PDGFD: variants seen among roughly 807,000 people sequenced by gnomAD.
PDGFD encodes the protein platelet derived growth factor D.
PDGFD carries 30 observed loss-of-function variants against 44.7 expected under a neutral mutation model. That is an observed-to-expected ratio of 0.67 (90% CI 0.50 to 0.91). The LOEUF (loss-of-function observed/expected upper bound fraction) is 0.91. Among genes scored for constraint, PDGFD ranks in the 40% least tolerant of loss-of-function variants. PDGFD has a pLI of 0.00. For synonymous variants in PDGFD, 173 were observed against 168.4 expected (o/e 1.03, Z -0.21); for missense variants, 445 against 457.8 (o/e 0.97, Z 0.25).
intron 3 of PDGFD, among the ~76,000 whole-genome samples, chr11:103,964,343 T>G (rs1364406877): frequency 6.6e-6 from 1 of 152,132 alleles, no homozygotes; most frequent in Non-Finnish European, 1.5e-5. Flanking sequence ...AGACCTTTGT[T>G]TCTATAAGTC....
chr11:104,102,877 A>G (rs559259231), intron 1 of PDGFD, among the ~76,000 whole-genome samples: 2 of 152,182 alleles, frequency 1.3e-5, no homozygotes, highest in South Asian at 2.1e-4. Flanking sequence ...GAAATGAACA[A>G]TGAGAACACA....
chr11:104,110,952 T>C (rs1201122162), intron 1 of PDGFD, among the ~76,000 whole-genome samples: 6 of 152,116 alleles, frequency 3.9e-5, no homozygotes, highest in Non-Finnish European at 8.8e-5. Context: ...ACCAAAAATG[T>C]TTTTTTGTCC....
chr11:104,154,491 G>A (rs1024639588), intron 1 of PDGFD, among the ~76,000 whole-genome samples: 1 of 152,138 alleles, frequency 6.6e-6, no homozygotes, highest in Non-Finnish European at 1.5e-5. Flanking sequence ...GAGCGTTTCC[G>A]TGGAGCAGTG....
Position 103,907,296 on chromosome 11 carries a change from A to T in PDGFD, c.*2398T>A, listed in dbSNP as rs1436963664. ...GCTGCATGTTACCGATATGACAAAA[A>T]ACATAAAAAACTCTACTTATGAAAG... On this transcript the variant is annotated 3_prime_UTR_variant, in exon 7 of 7. Coordinates refer to ENST00000393158, the MANE Select transcript of PDGFD (RefSeq NM_025208.5). 6.6e-6 allele frequency: 1 copy of T among 152,242 alleles called. No homozygotes were observed. The highest frequency in any genetic ancestry group is 2.4e-5 in the African/African-American group (1 of 41,466). 9.4% of individuals were successfully genotyped at this position (152,242 alleles called of 1,614,324 possible).
chr11:104,083,303 A>T (rs1416746503), intron 1 of PDGFD, among the ~76,000 whole-genome samples: 1 of 152,190 alleles, frequency 6.6e-6, no homozygotes, highest in Non-Finnish European at 1.5e-5. Context: ...CAAAGGTGGG[A>T]AAAAGCTAAA....
intron 3 of PDGFD, among the ~76,000 whole-genome samples, chr11:103,989,413 C>T (rs1859418590): frequency 6.6e-6 from 1 of 152,200 alleles, no homozygotes; most frequent in African/African-American, 2.4e-5. Context: ...CTTTCCAGCC[C>T]AGGACAGCAG....
chr11:104,019,541 G>A (rs1331780634), intron 1 of PDGFD, among the ~76,000 whole-genome samples: 1 of 152,154 alleles, frequency 6.6e-6, no homozygotes, highest in Non-Finnish European at 1.5e-5. Flanking sequence ...TACAATGGCA[G>A]ACACGATACG....
chr11:104,085,895 G>C (rs936777107), intron 1 of PDGFD, among the ~76,000 whole-genome samples: 7 of 151,978 alleles, frequency 4.6e-5, no homozygotes, highest in Non-Finnish European at 8.8e-5. Flanking sequence ...TAGATCTATT[G>C]GACCATGATA....
intron 3 of PDGFD, among the ~76,000 whole-genome samples, chr11:103,948,277 T>C (rs964464346): frequency 9.2e-5 from 14 of 152,186 alleles, no homozygotes; most frequent in African/African-American, 3.1e-4. Flanking sequence ...TTCCTGACTA[T>C]ATCAACAAAT....
At chr11:103,972,586 T>C (rs1275291775) in intron 3 of PDGFD, among the ~76,000 whole-genome samples, 1 of 152,070 alleles carries the variant, frequency 6.6e-6, no homozygotes, top group Non-Finnish European at 1.5e-5. Flanking sequence ...TTTGTGAGCT[T>C]CAACAAGAAA....
At position 103,978,850 on chromosome 11, in the gene PDGFD, A is replaced by G. The variant is rs539661549; in HGVS notation, c.510+17215T>C. On this transcript the variant is annotated intron_variant, in intron 3 of 6. Transcript: ENST00000393158. ...CTGTAAAACAGGTACAGTGAGCTCAATGCTATTAAAATGGTAAAATGAGTA... is the reference window on the plus strand; with the variant it reads ...CTGTAAAACAGGTACAGTGAGCTCAGTGCTATTAAAATGGTAAAATGAGTA... Among the ~76,000 whole-genome samples the G allele has an allele frequency of 2.4e-4, 36 of 152,178 alleles. 1 individual carries two copies. The South Asian group carries it at 6.6e-3, about 28-fold the overall frequency.
At chr11:103,936,317 C>T (rs954527790) in intron 5 of PDGFD, among the ~76,000 whole-genome samples, 8 of 152,110 alleles carry the variant, frequency 5.3e-5, no homozygotes, top group African/African-American at 4.8e-5. Context: ...AATAGGCAGA[C>T]AGAGAAAATT....
At chr11:104,141,425 T>C (rs192874496) in intron 1 of PDGFD, among the ~76,000 whole-genome samples, 7 of 151,428 alleles carry the variant, frequency 4.6e-5, no homozygotes, top group African/African-American at 1.7e-4. Flanking sequence ...AGAGTCAGGA[T>C]CTTGCCCTGT....
chr11:104,116,700 C>T (rs1591171839), intron 1 of PDGFD, among the ~76,000 whole-genome samples: 1 of 151,886 alleles, frequency 6.6e-6, no homozygotes, highest in Admixed American at 6.6e-5. Context: ...TTGGCTGTGG[C>T]CCCACCCAAA....
At chr11:104,156,310 A>T (rs1245393451) in intron 1 of PDGFD, among the ~76,000 whole-genome samples, 1 of 152,118 alleles carries the variant, frequency 6.6e-6, no homozygotes, top group Admixed American at 6.6e-5. Context: ...AGCCTTGATT[A>T]TGCCACTGAA....
chr11:103,967,400 A>G (rs1203594741), intron 3 of PDGFD, among the ~76,000 whole-genome samples: 1 of 152,010 alleles, frequency 6.6e-6, no homozygotes, highest in African/African-American at 2.4e-5. Context: ...ATGTACCCCA[A>G]CTTCTGCAAC....
intron 1 of PDGFD, among the ~76,000 whole-genome samples, chr11:104,042,575 C>A (rs1860374344): frequency 6.6e-6 from 1 of 152,138 alleles, no homozygotes; most frequent in Admixed American, 6.5e-5. Flanking sequence ...ATTTTTAGAG[C>A]ATCACTATAC....
At chr11:104,144,682 T>G (rs1862138954) in intron 1 of PDGFD, among the ~76,000 whole-genome samples, 1 of 152,116 alleles carries the variant, frequency 6.6e-6, no homozygotes, top group African/African-American at 2.4e-5. Flanking sequence ...TTGTCTTACC[T>G]AAAAATAGAC....
At chr11:103,939,755 T>G (rs1858553725) in intron 5 of PDGFD, among the ~76,000 whole-genome samples, 1 of 152,150 alleles carries the variant, frequency 6.6e-6, no homozygotes, top group Non-Finnish European at 1.5e-5. Context: ...AATTTGAACT[T>G]AAAATACTGA....
Sources: allele counts gnomAD v4.1 joint callset (sites outside exome capture counted in the v4.1 genomes callset), GRCh38; gene constraint gnomAD v4.1.1; transcripts MANE v1.5; gene names NCBI Gene and HGNC (gene_info 2026-07-23, HGNC 2026-07-21).